FARP1: variants seen among roughly 807,000 people sequenced by gnomAD.
FARP1 encodes FERM, ARHGEF and pleckstrin domain-containing protein 1.
FARP1 carries 52 observed loss-of-function variants against 128.8 expected under a neutral mutation model. That is an observed-to-expected ratio of 0.40 (90% CI 0.32 to 0.51). The LOEUF (loss-of-function observed/expected upper bound fraction) is 0.51. FARP1 is among the 20% of genes least tolerant of loss of function. The pLI, the probability that FARP1 is intolerant of heterozygous loss-of-function variation, is 0.45. For synonymous variants in FARP1, 580 were observed against 551.8 expected, an observed-to-expected ratio of 1.05 and a Z score of -0.72; for missense variants, 1,333 against 1,367.9, an observed-to-expected ratio of 0.97 and a Z score of 0.40.
At chr13:98,391,266 G>A (rs1890294073) in intron 11 of FARP1, among the ~76,000 whole-genome samples, 1 of 152,172 alleles carries the variant, frequency 6.6e-6, no homozygotes, top group African/African-American at 2.4e-5. Flanking sequence ...AAGTAAATCT[G>A]GATGAGCAGA....
chr13:98,416,901 G>A (rs1891395305), intron 16 of FARP1, among the ~76,000 whole-genome samples: 1 of 152,214 alleles, frequency 6.6e-6, no homozygotes, highest in Non-Finnish European at 1.5e-5. Flanking sequence ...TTGGCTATGG[G>A]GTGCACGCAG....
chr13:98,376,019 A>C (rs1889565990), intron 5 of FARP1, among the ~76,000 whole-genome samples: 1 of 152,132 alleles, frequency 6.6e-6, no homozygotes, highest in African/African-American at 2.4e-5. Context: ...AAAATCTATG[A>C]GTTTGTATCA....
intron 2 of FARP1, among the ~76,000 whole-genome samples, chr13:98,271,432 T>C (rs1383735509): frequency 6.6e-6 from 1 of 152,206 alleles, no homozygotes; most frequent in Non-Finnish European, 1.5e-5. Context: ...CTGGGATACA[T>C]GTGTAGAACG....
At chr13:98,416,053 T>C (rs1891364434) in intron 16 of FARP1, among the ~76,000 whole-genome samples, 1 of 152,248 alleles carries the variant, frequency 6.6e-6, no homozygotes, top group Admixed American at 6.5e-5. Flanking sequence ...TTTTTAAAAA[T>C]TAACTTTTTA....
intron 2 of FARP1, among the ~76,000 whole-genome samples, chr13:98,275,969 G>T (rs747444873): frequency 6.6e-6 from 1 of 152,212 alleles, no homozygotes; most frequent in South Asian, 2.1e-4. Flanking sequence ...GTCGGCGGGG[G>T]TATGATGGAT....
At chr13:98,233,454 G>T (rs1594302023) in intron 2 of FARP1, among the ~76,000 whole-genome samples, 1 of 152,224 alleles carries the variant, frequency 6.6e-6, no homozygotes, top group Middle Eastern at 3.4e-3. Flanking sequence ...AGAGGGGAAA[G>T]AACTCAGCCA....
At chr13:98,342,026 T>C (rs899298865) in intron 2 of FARP1, among the ~76,000 whole-genome samples, 12 of 152,234 alleles carry the variant, frequency 7.9e-5, no homozygotes, top group Admixed American at 7.9e-4. Context: ...GGATAACTTT[T>C]ATTGATTTGT....
intron 2 of FARP1, among the ~76,000 whole-genome samples, chr13:98,318,230 AT>A (rs113664024): frequency 0.26 from 39,067 of 149,804 alleles, 5,388 homozygotes; most frequent in Middle Eastern, 0.34. Flanking sequence ...TAATTTTTGT[AT>A]TTTTTTTTGT....
At chr13:98,287,204 A>AGGCCTTTT (rs1327624660) in intron 2 of FARP1, among the ~76,000 whole-genome samples, 12 of 114,846 alleles carry the variant, frequency 1.0e-4, no homozygotes, top group Non-Finnish European at 1.8e-4. Flanking sequence ...ACCATCAGAC[A>AGGCCTTTT]TGTCTTTTTT....
At chr13:98,272,687 G>A (rs1192427923) in intron 2 of FARP1, among the ~76,000 whole-genome samples, 2 of 152,164 alleles carry the variant, frequency 1.3e-5, no homozygotes, top group African/African-American at 4.8e-5. Flanking sequence ...ATCAAAGGGG[G>A]TGTCAGAGAT....
intron 2 of FARP1, chr13:98,328,257 C>G (rs1333939375): frequency 9.2e-5 from 14 of 152,280 alleles, no homozygotes; most frequent in Admixed American, 7.8e-4. Flanking sequence ...CTTTAGCAAG[C>G]AAGGATGGGG....
intron 2 of FARP1, among the ~76,000 whole-genome samples, chr13:98,247,058 C>T (rs769485843): frequency 2.0e-5 from 3 of 152,206 alleles, no homozygotes; most frequent in Non-Finnish European, 4.4e-5. Context: ...GAAACCACGT[C>T]TCTACTAAAA....
chr13:98,428,280 CA>C (rs1281026783), intron 17 of FARP1, among the ~76,000 whole-genome samples: 1 of 152,208 alleles, frequency 6.6e-6, no homozygotes, highest in Admixed American at 6.5e-5. Context: ...GCTTGGAAAT[CA>C]ATGCAAAGAA....
At chr13:98,189,338 A>G (rs1409273587) in intron 1 of FARP1, among the ~76,000 whole-genome samples, 4 of 152,116 alleles carry the variant, frequency 2.6e-5, no homozygotes, top group Non-Finnish European at 4.4e-5. Context: ...TTAATTTATA[A>G]TGCATTCTTA....
At chr13:98,150,184 A>G (rs1259268135) in intron 1 of FARP1, among the ~76,000 whole-genome samples, 1 of 151,908 alleles carries the variant, frequency 6.6e-6, no homozygotes, top group African/African-American at 2.4e-5. Context: ...GATTACAGGC[A>G]TGCGCCATGC....
chr13:98,327,063 C>T (rs1785273023), intron 2 of FARP1, among the ~76,000 whole-genome samples: 1 of 152,214 alleles, frequency 6.6e-6, no homozygotes, highest in South Asian at 2.1e-4. Flanking sequence ...AGGAGACACA[C>T]TCCATTTTCA....
At chr13:98,150,619 T>C (rs1197299308) in intron 1 of FARP1, among the ~76,000 whole-genome samples, 2 of 152,298 alleles carry the variant, frequency 1.3e-5, no homozygotes, top group East Asian at 3.9e-4. Flanking sequence ...ATATATTCAG[T>C]GTTGGAAGAA....
chr13:98,339,456 T>C (rs554023428), intron 2 of FARP1, among the ~76,000 whole-genome samples: 1 of 152,328 alleles, frequency 6.6e-6, no homozygotes, highest in East Asian at 1.9e-4. Flanking sequence ...CATTGGGAGT[T>C]ACAATTCAAC....
At chr13:98,239,334 C>T (rs1266109720) in intron 2 of FARP1, among the ~76,000 whole-genome samples, 2 of 152,188 alleles carry the variant, frequency 1.3e-5, no homozygotes, top group African/African-American at 2.4e-5. Context: ...CAGCCAAGGC[C>T]CTCAGGGCAA....
Sources: allele counts gnomAD v4.1 joint callset (sites outside exome capture counted in the v4.1 genomes callset), GRCh38; gene constraint gnomAD v4.1.1; transcripts MANE v1.5; gene names NCBI Gene and HGNC (gene_info 2026-07-23, HGNC 2026-07-21).